DIAPH1: variants seen among roughly 807,000 people sequenced by gnomAD.
The protein encoded by DIAPH1 is diaphanous related formin 1.
Under a neutral mutation model 140.7 loss-of-function variants are expected in DIAPH1, and 46 were observed. That is an observed-to-expected ratio of 0.33 (90% confidence interval 0.26 to 0.42). The LOEUF (loss-of-function observed/expected upper bound fraction) is 0.42, where lower values mean the gene tolerates loss of function less well. Ranked by LOEUF, DIAPH1 falls within the 10% of genes least tolerant of loss-of-function variation. The pLI is 1.00. For missense variants in DIAPH1, 1,310 were observed against 1,558.7 expected (o/e 0.84, Z 2.69); for synonymous variants, 565 against 551.6 (o/e 1.02, Z -0.34).
chr5:141,617,664 T>C (rs2099902902), intron 1 of DIAPH1, among the ~76,000 whole-genome samples: 1 of 152,190 alleles, frequency 6.6e-6, no homozygotes, highest in Non-Finnish European at 1.5e-5. Flanking sequence ...CAGTTATAAC[T>C]AGCTATTATA....
At chr5:141,595,211 G>A (rs760154546) in intron 1 of DIAPH1, among the ~76,000 whole-genome samples, 3 of 152,056 alleles carry the variant, frequency 2.0e-5, no homozygotes, top group African/African-American at 7.2e-5. Context: ...GAGCACAGAG[G>A]GTTTTTAGGG....
chr5:141,538,562 A>T (rs2099889444), intron 18 of DIAPH1, among the ~76,000 whole-genome samples: 2 of 152,094 alleles, frequency 1.3e-5, no homozygotes, highest in South Asian at 4.1e-4. Flanking sequence ...CGTCCCGAGT[A>T]ACTGGGATTA....
At chr5:141,574,887 A>G in intron 15 of DIAPH1, 80 bp downstream of exon 15, 1 of 1,487,384 alleles carries the variant, frequency 6.7e-7, no homozygotes, top group South Asian at 1.1e-5. Flanking sequence ...CCTCCCTAGG[A>G]GCGAGATGAC....
intron 1 of DIAPH1, among the ~76,000 whole-genome samples, chr5:141,609,073 T>C (rs577541389): frequency 4.0e-5 from 6 of 150,686 alleles, no homozygotes; most frequent in East Asian, 3.9e-4. Flanking sequence ...AAGCGAAAGA[T>C]AGGTTTTGCA....
chr5:141,533,948 C>T (rs547899371), intron 19 of DIAPH1, among the ~76,000 whole-genome samples: 92 of 146,128 alleles, frequency 6.3e-4, no homozygotes, highest in Non-Finnish European at 1.2e-3. Context: ...GAAGAATCAA[C>T]TGAGCCCAGG....
In DIAPH1 at chr5:141,583,549, G is replaced by T. The variant is rs534491046; in HGVS notation, c.469C>A (p.Arg157=). 6.2e-7 allele frequency: 1 copy of T among 1,614,094 alleles called. No homozygotes were observed. The highest frequency in any genetic ancestry group is 1.7e-5 in the Admixed American group (1 of 60,020). ...MYIQELRSGL[R]DMPLLSCLES... is the part of the protein sequence containing the mutation. ...AGGCAGCTGAGCAGAGGCATATCCC[G>T]CAAGCCTGACCTCAACTCCTGAATA... is the stretch of plus-strand genomic sequence containing the variant. Residue 157 remains arginine, a synonymous_variant, in exon 5 of 28, where the codon CGG becomes AGG. Transcript: ENST00000389054.
At chr5:141,528,111 C>CT (rs571675081) in intron 23 of DIAPH1, among the ~76,000 whole-genome samples, 2 of 152,080 alleles carry the variant, frequency 1.3e-5, no homozygotes, top group Non-Finnish European at 2.9e-5. Context: ...GCTGCTTTTT[C>CT]TTTGTCTAGT....
In DIAPH1 at chr5:141,528,869, C is replaced by T. The variant is rs759485012; in HGVS notation, c.2851G>A (p.Glu951Lys). ...GACACAATCTCTGGCTTGATATTCT[C>T]CACTTGCTCGCTGAATTGTAGCTTG... The part of the protein sequence containing the change: ...LFKLQFSEQV[E>K]NIKPEIVSVT... The change falls in exon 22 of 28, where the codon GAG becomes AAG. Residue 951 changes from glutamate to lysine, a missense_variant. By Grantham distance (56) the Glu-to-Lys change is moderately conservative (BLOSUM62 1). Coordinates refer to ENST00000389054, the MANE Select transcript of DIAPH1 (RefSeq NM_005219.5). The T allele has an allele frequency of 1.2e-6, 2 of 1,614,130 alleles. No individual in the cohort carries two copies. Among genetic ancestry groups the T allele is most frequent in the Non-Finnish European group, 1.7e-6 (2 of 1,180,062 alleles).
chr5:141,523,555 C>T (rs1292615028), intron 27 of DIAPH1, among the ~76,000 whole-genome samples: 2 of 152,060 alleles, frequency 1.3e-5, no homozygotes, highest in Non-Finnish European at 2.9e-5. Flanking sequence ...GATTGCAGGG[C>T]AGTGATGGGG....
intron 18 of DIAPH1, among the ~76,000 whole-genome samples, chr5:141,539,558 C>G (rs1236858905): frequency 2.0e-5 from 3 of 151,886 alleles, no homozygotes; most frequent in African/African-American, 2.4e-5. Context: ...GCGTGAGCCA[C>G]CGTGCCCCCA....
rs112883006 is a variant in DIAPH1, at chr5:141,605,902, G to C, written c.117+12896C>G. ...ACCCACAGACCTAGAAGTAAGTAAC[G>C]AACAGCCCTGGCGGATGCAAAGAGC... is the stretch of plus-strand genomic sequence containing the variant. On this transcript the variant is annotated intron_variant, in intron 1 of 27. Coordinates refer to ENST00000389054, the MANE Select transcript of DIAPH1 (RefSeq NM_005219.5). Among the ~76,000 whole-genome samples, 4 of 152,170 alleles carry C rather than the reference G, an allele frequency of 2.6e-5. No homozygotes were observed. In the East Asian group the frequency reaches 7.7e-4, roughly 29 times the overall value.
At chr5:141,534,880 G>T (rs1457054179) in intron 18 of DIAPH1, among the ~76,000 whole-genome samples, 3 of 152,148 alleles carry the variant, frequency 2.0e-5, no homozygotes, top group Non-Finnish European at 4.4e-5. Context: ...TAGTTCAGCA[G>T]TCCCCTTCCA....
chr5:141,550,872 CTT>C (rs2099891582), intron 18 of DIAPH1, among the ~76,000 whole-genome samples: 1 of 152,208 alleles, frequency 6.6e-6, no homozygotes, highest in African/African-American at 2.4e-5. Flanking sequence ...TTCATACCCT[CTT>C]GTTATGCATG....
rs117078126 is a variant in DIAPH1, at chr5:141,537,974, C to T, written c.2483-3541G>A. 8.0e-4 allele frequency among the ~76,000 whole-genome samples: 122 copies of T among 152,126 alleles called. 2 individuals carry two copies. In the East Asian group the frequency reaches 0.021, roughly 26 times the overall value. On this transcript the variant is annotated intron_variant, in intron 18 of 27. Transcript: ENST00000389054. ...TGGCTCAATCATGGTTCACTGCATC[C>T]TCAACCTCCTGAGCTCAAGCAATTC...
At chr5:141,546,137 T>C (rs1329136494) in intron 18 of DIAPH1, among the ~76,000 whole-genome samples, 1 of 152,112 alleles carries the variant, frequency 6.6e-6, no homozygotes, top group Non-Finnish European at 1.5e-5. Context: ...ATCCCAGCAC[T>C]TTGGGAGGCT....
chr5:141,612,952 G>C (rs1032815305), intron 1 of DIAPH1, among the ~76,000 whole-genome samples: 2 of 152,110 alleles, frequency 1.3e-5, no homozygotes, highest in East Asian at 3.9e-4. Flanking sequence ...GGTCCTTACA[G>C]TATTTTAAAT....
chr5:141,576,068 C>T (rs977370252), intron 14 of DIAPH1, among the ~76,000 whole-genome samples, 162 bp downstream of exon 14: 1 of 152,216 alleles, frequency 6.6e-6, no homozygotes. Flanking sequence ...TCACTTTCTC[C>T]AATGACTACC....
Position 141,547,841 on chromosome 5 carries a change from C to T in DIAPH1, c.2483-13408G>A, listed in dbSNP as rs1223590104. ...GCTCAGAGAAACTCAAGTATAAATA[C>T]AAAGAAAACCACACCGTGGCATATC... On this transcript the variant is annotated intron_variant, in intron 18 of 27. Transcript: ENST00000389054. Among the ~76,000 whole-genome samples the T allele has an allele frequency of 3.9e-5, 6 of 152,010 alleles. No individual in the cohort carries two copies. The East Asian group carries it at 9.6e-4, about 24-fold the overall frequency.
At chr5:141,579,041 C>A (rs1245300867) in intron 9 of DIAPH1, 47 bp downstream of exon 9, 2 of 1,363,074 alleles carry the variant, frequency 1.5e-6, no homozygotes, top group East Asian at 4.6e-5. Flanking sequence ...TTAAGTCTGT[C>A]CATCTTGAAT....
Sources: allele counts gnomAD v4.1 joint callset (sites outside exome capture counted in the v4.1 genomes callset), GRCh38; gene constraint gnomAD v4.1.1; transcripts MANE v1.5; gene names NCBI Gene and HGNC (gene_info 2026-07-23, HGNC 2026-07-21).